ABAT: variants seen among roughly 807,000 people sequenced by gnomAD.
ABAT encodes the protein 4-aminobutyrate aminotransferase, mitochondrial.
Under a neutral mutation model 64.6 loss-of-function variants are expected in ABAT, and 45 were observed. The observed-to-expected ratio is 0.70, with a 90% CI of 0.55 to 0.89. The LOEUF (loss-of-function observed/expected upper bound fraction) is 0.89, where lower values mean the gene tolerates loss of function less well. Among genes scored for constraint, ABAT ranks in the 40% least tolerant of loss-of-function variants. The pLI is 0.00. For synonymous variants in ABAT, 297 were observed against 250.5 expected, an observed-to-expected ratio of 1.19 and a Z score of -1.75; for missense variants, 633 against 658.4, an observed-to-expected ratio of 0.96 and a Z score of 0.42.
intron 1 of ABAT, among the ~76,000 whole-genome samples, chr16:8,734,688 C>G (rs1418889570): frequency 6.6e-6 from 1 of 152,180 alleles, no homozygotes; most frequent in Non-Finnish European, 1.5e-5. Flanking sequence ...ATGAATGGTG[C>G]TGTCGCTGTT....
chr16:8,752,884 T>C (rs2059531203), intron 5 of ABAT, among the ~76,000 whole-genome samples: 1 of 152,194 alleles, frequency 6.6e-6, no homozygotes, highest in Non-Finnish European at 1.5e-5. Flanking sequence ...TTATAGAGAA[T>C]TTACTATGCA....
At position 8,768,182 on chromosome 16, in the gene ABAT, C is replaced by T. The variant is rs1384392353; in HGVS notation, c.604-11C>T. 6.2e-7 allele frequency: 1 copy of T among 1,613,814 alleles called. No individual in the cohort carries two copies. Among genetic ancestry groups the T allele is most frequent in the East Asian group, 2.2e-5 (1 of 44,882 alleles). ...CAACTATGACTAATGACTGATATTTCTTGGTTTTAGGCCCCTGGCTGCCCC... is the reference window on the plus strand; with the variant it reads ...CAACTATGACTAATGACTGATATTTTTTGGTTTTAGGCCCCTGGCTGCCCC... On this transcript the variant is annotated splice_polypyrimidine_tract_variant and intron_variant, in intron 9 of 15. Coordinates refer to ENST00000268251, the MANE Select transcript of ABAT (RefSeq NM_020686.6).
At chr16:8,724,335 G>A (rs546534780) in intron 1 of ABAT, among the ~76,000 whole-genome samples, 116 of 152,242 alleles carry the variant, frequency 7.6e-4, no homozygotes, top group African/African-American at 2.6e-3. Context: ...GCTAAAAGAG[G>A]CCGTAAAATC....
chr16:8,773,262 C>T (rs1180085570), intron 12 of ABAT, among the ~76,000 whole-genome samples: 1 of 152,052 alleles, frequency 6.6e-6, no homozygotes, highest in Admixed American at 6.6e-5. Flanking sequence ...AGTGATTCTC[C>T]TACCTCAGCC....
chr16:8,779,851 C>T (rs192805468), intron 15 of ABAT, among the ~76,000 whole-genome samples: 1 of 152,280 alleles, frequency 6.6e-6, no homozygotes, highest in East Asian at 1.9e-4. Flanking sequence ...TGATGAAGAC[C>T]ATCAGAGCCC....
chr16:8,724,820 T>C (rs2058493436), intron 1 of ABAT, among the ~76,000 whole-genome samples: 1 of 147,578 alleles, frequency 6.8e-6, no homozygotes, highest in Non-Finnish European at 1.5e-5. Flanking sequence ...AATTGAAGAA[T>C]AAGTCTGTGT....
chr16:8,742,477 T>C (rs1246910789), intron 2 of ABAT, among the ~76,000 whole-genome samples: 1 of 152,218 alleles, frequency 6.6e-6, no homozygotes, highest in Non-Finnish European at 1.5e-5. Flanking sequence ...TGAAGAGCTA[T>C]TTTTATCAAA....
chr16:8,687,164 G>A (rs1197721603), intron 1 of ABAT, among the ~76,000 whole-genome samples: 4 of 152,264 alleles, frequency 2.6e-5, no homozygotes, highest in African/African-American at 9.6e-5. Context: ...ACATCTGGAC[G>A]GAAAGTGTTT....
At position 8,706,138 on chromosome 16, in the gene ABAT, T is replaced by C. The variant is rs139698218; in HGVS notation, c.-41-29561T>C. On this transcript the variant is annotated intron_variant, in intron 1 of 15. Transcript: ENST00000268251. ...AAAAAGATACTCATGCTGGCTGCAG[T>C]GGCTCGTGCCTGTAATCCCAACACC... is the stretch of plus-strand genomic sequence containing the variant. 2.8e-3 allele frequency among the ~76,000 whole-genome samples: 426 copies of C among 152,162 alleles called. 2 individuals are homozygous for C. Among genetic ancestry groups the C allele is most frequent in the African/African-American group, 9.5e-3 (395 of 41,534 alleles).
intron 1 of ABAT, among the ~76,000 whole-genome samples, chr16:8,688,568 A>G (rs56298280): frequency 0.1 from 15,825 of 152,172 alleles, 991 homozygotes; most frequent in Admixed American, 0.15. Flanking sequence ...TACAGAAAAA[A>G]AAGTAAATTT....
chr16:8,748,192 A>G (rs1473702184), intron 4 of ABAT, 55 bp downstream of exon 4: 1 of 1,516,166 alleles, frequency 6.6e-7, no homozygotes, highest in Non-Finnish European at 9.2e-7. Flanking sequence ...CAATTGAGCT[A>G]AAAGACAGAT....
At position 8,764,934 on chromosome 16, in the gene ABAT, G is replaced by C; in HGVS notation, c.540+104G>C. ...TTCATTCCAATGGGCTGGAGTATTA[G>C]ACATCAGTACCAGGGTTAAAATACA... On this transcript the variant is annotated intron_variant, in intron 8 of 15. Transcript: ENST00000268251. The surrounding 1 kb of genome is among the most constrained non-coding windows in gnomAD (Gnocchi z 4.2). 9.3e-7 allele frequency: 1 copy of C among 1,070,252 alleles called. No homozygotes were observed. The highest frequency in any genetic ancestry group is 1.4e-6 in the Non-Finnish European group (1 of 701,076). The allele number at this position is 1,070,252 out of a possible 1,614,324, so 66.3% of individuals were successfully genotyped here.
At chr16:8,709,782 C>A (rs905330736) in intron 1 of ABAT, among the ~76,000 whole-genome samples, 7 of 151,332 alleles carry the variant, frequency 4.6e-5, no homozygotes, top group Non-Finnish European at 1.5e-5. Context: ...AGGGGCTTAT[C>A]AGGGTAGCAG....
At chr16:8,682,681 A>G (rs564209111) in intron 1 of ABAT, among the ~76,000 whole-genome samples, 19 of 152,258 alleles carry the variant, frequency 1.2e-4, no homozygotes, top group South Asian at 2.1e-4. Context: ...AGGTGCTAAC[A>G]TCTATTATCT....
In ABAT at chr16:8,689,293, A is replaced by G. The variant is rs146076263; in HGVS notation, c.-42+14582A>G. On this transcript the variant is annotated intron_variant, in intron 1 of 15. Coordinates refer to ENST00000268251, the MANE Select transcript of ABAT (RefSeq NM_020686.6). Reference sequence around the variant, plus strand: ...CTCCATTGTCAAAAATCAAGTGTCCATATATGCATGTATGTGTTTCTATTC... The same window carrying G: ...CTCCATTGTCAAAAATCAAGTGTCCGTATATGCATGTATGTGTTTCTATTC... Among the ~76,000 whole-genome samples the G allele has an allele frequency of 1.0e-3, 156 of 152,318 alleles. 2 individuals carry two copies. The Middle Eastern group carries it at 0.014, about 13-fold the overall frequency.
chr16:8,681,463 T>C (rs1309331164), intron 1 of ABAT, among the ~76,000 whole-genome samples: 2 of 150,942 alleles, frequency 1.3e-5, no homozygotes, highest in African/African-American at 4.9e-5. Flanking sequence ...CTACACTTTT[T>C]TTTTTTTTTT....
intron 1 of ABAT, among the ~76,000 whole-genome samples, chr16:8,735,487 A>G (rs919498655): frequency 6.6e-6 from 1 of 152,182 alleles, no homozygotes; most frequent in Non-Finnish European, 1.5e-5. Flanking sequence ...CCTGGCCTCA[A>G]GAAGTCCTCG....
intron 1 of ABAT, among the ~76,000 whole-genome samples, chr16:8,720,470 G>A (rs897427128): frequency 1.3e-5 from 2 of 152,256 alleles, no homozygotes; most frequent in Non-Finnish European, 2.9e-5. Flanking sequence ...CCAAGAGGCA[G>A]GTGATAGGAA....
intron 2 of ABAT, chr16:8,736,891 C>G (rs1196832872): frequency 6.6e-6 from 1 of 152,226 alleles, no homozygotes; most frequent in African/African-American, 2.4e-5. Flanking sequence ...GCAGGAGCCT[C>G]CCTTCACATG....
Sources: gnomAD v4.1 joint callset for allele counts (sites outside exome capture counted in the v4.1 genomes callset) on GRCh38, gnomAD v4.1.1 for gene constraint, Gnocchi (gnomAD v3.1) non-coding constraint, MANE v1.5 for transcripts, NCBI Gene and HGNC (gene_info 2026-07-23, HGNC 2026-07-21) for gene names.